Variants in CRYBG3 observed in about 807,000 individuals in gnomAD.
The protein encoded by CRYBG3 is crystallin beta-gamma domain containing 3.
CRYBG3 carries 127 observed loss-of-function variants against 244.2 expected under a neutral mutation model. The observed-to-expected ratio is 0.52, with a 90% CI of 0.45 to 0.60. The LOEUF (loss-of-function observed/expected upper bound fraction) is 0.60, where lower values mean the gene tolerates loss of function less well. Ranked by LOEUF, CRYBG3 falls within the 20% of genes least tolerant of loss-of-function variation. The pLI is 0.00. For missense variants in CRYBG3, 3,325 were observed against 3,442.5 expected, an observed-to-expected ratio of 0.97 and a Z score of 0.85; for synonymous variants, 1,132 against 1,195.8, an observed-to-expected ratio of 0.95 and a Z score of 1.10.
intron 8 of CRYBG3, 40 bp from the exon 9 acceptor site, chr3:97,888,301 A>C: frequency 8.3e-7 from 1 of 1,205,606 alleles, no homozygotes; most frequent in South Asian, 1.3e-5. Flanking sequence ...AGACTAAAGC[A>C]GTACTATTAT....
intron 15 of CRYBG3, 89 bp downstream of exon 15, chr3:97,900,574 A>G: frequency 2.5e-6 from 2 of 811,904 alleles, no homozygotes; most frequent in South Asian, 1.6e-5. Context: ...TTCTGCAGAT[A>G]ACTTTTATGT....
chr3:97,911,137 A>G (rs2039867186), intron 15 of CRYBG3, among the ~76,000 whole-genome samples: 1 of 152,212 alleles, frequency 6.6e-6, no homozygotes, highest in Non-Finnish European at 1.5e-5. Flanking sequence ...TCAGAGCAGA[A>G]TGAGATAACC....
intron 15 of CRYBG3, among the ~76,000 whole-genome samples, chr3:97,904,393 T>C (rs577248915): frequency 1.3e-5 from 2 of 152,302 alleles, no homozygotes; most frequent in Admixed American, 6.5e-5. Flanking sequence ...AGAGATACTT[T>C]ATAACATTAT....
chr3:97,850,467 TA>T (rs2038969017), intron 2 of CRYBG3, among the ~76,000 whole-genome samples: 2 of 152,158 alleles, frequency 1.3e-5, no homozygotes, highest in South Asian at 4.1e-4. Flanking sequence ...TTTTAGAAGG[TA>T]AAATTTTAGC....
intron 3 of CRYBG3, among the ~76,000 whole-genome samples, chr3:97,871,387 C>A (rs1361045355): frequency 6.6e-6 from 1 of 152,084 alleles, no homozygotes; most frequent in Non-Finnish European, 1.5e-5. Flanking sequence ...CATTGCTGTT[C>A]AAATTCACAT....
At chr3:97,838,387 T>C (rs1348757474) in intron 1 of CRYBG3, among the ~76,000 whole-genome samples, 1 of 152,122 alleles carries the variant, frequency 6.6e-6, no homozygotes, top group African/African-American at 2.4e-5. Context: ...AGAGAGGCTC[T>C]CAGACCATTG....
intron 2 of CRYBG3, among the ~76,000 whole-genome samples, chr3:97,848,542 C>T (rs192692048): frequency 6.6e-6 from 1 of 152,232 alleles, no homozygotes; most frequent in East Asian, 1.9e-4. Flanking sequence ...TCCTCGTGAT[C>T]CGCCTGCCTC....
In CRYBG3 at chr3:97,873,716, T is replaced by G. The variant is rs1281463258; in HGVS notation, c.2522T>G (p.Val841Gly). ...GGAAAAACTATATCCTTGTCCAAGG[T>G]ATCTCTTTCAAAAGTGGAGCCCAGA... ...GRGKTISLSK[V>G]SLSKVEPRNI... The change falls in exon 4 of 22, where the codon GTA becomes GGA. Residue 841 changes from valine (V) to glycine (G), a missense_variant. By Grantham distance (109) the Val-to-Gly change is moderately radical. This residue lies in a region of CRYBG3 where 1,526 missense variants were observed against 1,443.2 expected (regional missense o/e 1.06). Coordinates refer to ENST00000389622, the MANE Select transcript of CRYBG3 (RefSeq NM_153605.4). 4.6e-6 allele frequency: 7 copies of G among 1,535,966 alleles called. No individual in the cohort carries two copies. The highest frequency in any genetic ancestry group is 3.9e-5 in the Admixed American group (2 of 50,986).
intron 21 of CRYBG3, 89 bp from the exon 22 acceptor site, chr3:97,943,137 G>A (rs2040268662): frequency 4.2e-6 from 3 of 710,858 alleles, no homozygotes; most frequent in Admixed American, 5.3e-5. Flanking sequence ...CCACCGAAAT[G>A]GTGAGCTGAA....
chr3:97,904,738 T>C (rs938582633), intron 15 of CRYBG3, among the ~76,000 whole-genome samples: 22 of 151,306 alleles, frequency 1.5e-4, no homozygotes, highest in Admixed American at 1.1e-3. Flanking sequence ...TTTATAATCT[T>C]TTTTTTATTA....
intron 1 of CRYBG3, 125 bp from the exon 2 acceptor site, chr3:97,843,070 A>T: frequency 3.4e-6 from 2 of 593,970 alleles, no homozygotes; most frequent in Non-Finnish European, 5.9e-6. Context: ...CCTTGGTATA[A>T]CATGGTGTAT....
At chr3:97,828,247 G>T (rs1053408176) in intron 1 of CRYBG3, among the ~76,000 whole-genome samples, 3 of 152,068 alleles carry the variant, frequency 2.0e-5, no homozygotes, top group Admixed American at 6.6e-5. Context: ...AATTTGATAT[G>T]ACCTATCAAT....
In CRYBG3 at chr3:97,873,502, A is replaced by C. The variant is rs774118963; in HGVS notation, c.2308A>C (p.Lys770Gln). The C allele has an allele frequency of 1.3e-6, 2 of 1,535,978 alleles. No homozygotes were observed. The highest frequency in any genetic ancestry group is 2.4e-5 in the South Asian group (2 of 84,046). The change falls in exon 4 of 22, where the codon AAG becomes CAG. Residue 770 changes from lysine (K) to glutamine (Q), a missense_variant. By Grantham distance (53) the Lys-to-Gln change is moderately conservative. Coordinates refer to ENST00000389622, the MANE Select transcript of CRYBG3 (RefSeq NM_153605.4). ...LLSFDSGNLS[K>Q]DCSSILSQDP... ...GAGCTTTGACTCTGGAAACCTCTCT[A>C]AGGATTGCAGTTCCATTTTATCTCA...
rs1474844575 is a variant in CRYBG3 at position 97,873,596 on chromosome 3, A to T, written c.2402A>T (p.Asp801Val). 7 of 1,534,494 alleles carry T rather than the reference A, an allele frequency of 4.6e-6. No individual in the cohort carries two copies. Among genetic ancestry groups the T allele is most frequent in the African/African-American group, 1.4e-5 (1 of 72,960 alleles). Residue 801 changes from aspartate to valine, a missense_variant, in exon 4 of 22, where the codon GAT becomes GTT. Asp to Val is a radical substitution (Grantham distance 152, BLOSUM62 -3). Coordinates refer to ENST00000389622, the MANE Select transcript of CRYBG3 (RefSeq NM_153605.4). ...AATATGAGCATAATAGAGAAGTCTG[A>T]TTCTCTTTCCTTGGAAGCCAAAACT... ...KANMSIIEKSDSLSLEAKTAN... is the reference protein window; with the variant it reads ...KANMSIIEKSVSLSLEAKTAN...
At chr3:97,907,111 G>A (rs2039785101) in intron 15 of CRYBG3, among the ~76,000 whole-genome samples, 1 of 152,110 alleles carries the variant, frequency 6.6e-6, no homozygotes, top group Non-Finnish European at 1.5e-5. Flanking sequence ...TGATCATGGT[G>A]GATAATCTTT....
Position 97,822,259 on chromosome 3 carries a change from T to A in CRYBG3, c.53T>A (p.Phe18Tyr), listed in dbSNP as rs1244261966. Residue 18 changes from phenylalanine (F) to tyrosine (Y), a missense_variant, in exon 1 of 22, where the codon TTC becomes TAC. By Grantham distance (22) the Phe-to-Tyr change is conservative. Coordinates refer to ENST00000389622, the MANE Select transcript of CRYBG3 (RefSeq NM_153605.4). ...GSAPWHSFSR[F>Y]FAPRSPSRDK... ...GCCCCCTGGCACAGCTTCTCCCGGT[T>A]CTTCGCTCCCCGAAGTCCTTCCCGG... 6.5e-7 allele frequency: 1 copy of A among 1,530,578 alleles called. No homozygotes were observed. The highest frequency in any genetic ancestry group is 2.0e-5 in the Admixed American group (1 of 50,498). 94.8% of individuals were successfully genotyped at this position (1,530,578 alleles called of 1,614,324 possible).
chr3:97,822,049 G>C lies in CRYBG3; in HGVS notation c.-158G>C. 1 of 504,740 alleles carries C rather than the reference G, an allele frequency of 2.0e-6. No individual in the cohort carries two copies. Among genetic ancestry groups the C allele is most frequent in the Admixed American group, 4.4e-5 (1 of 22,810 alleles). 31.3% of individuals were successfully genotyped at this position (504,740 alleles called of 1,614,324 possible). On this transcript the variant is annotated 5_prime_UTR_variant, in exon 1 of 22. Coordinates refer to ENST00000389622, the MANE Select transcript of CRYBG3 (RefSeq NM_153605.4). ...GCCGCGCGAGGAGCGCGTCGCGTCCGCACTTCTCCTGCCCGAGAGAGACTG... is the reference window on the plus strand; with the variant it reads ...GCCGCGCGAGGAGCGCGTCGCGTCCCCACTTCTCCTGCCCGAGAGAGACTG...
Position 97,875,226 on chromosome 3 carries a change from G to T in CRYBG3, c.4032G>T (p.Leu1344=). 6.5e-7 allele frequency: 1 copy of T among 1,531,052 alleles called. No individual in the cohort carries two copies. The highest frequency in any genetic ancestry group is 1.2e-5 in the South Asian group (1 of 82,806). The allele number at this position is 1,531,052 out of a possible 1,614,324, so 94.8% of individuals were successfully genotyped here. Reference sequence around the variant, plus strand: ...TTCAGGCTAATACTTCAAAAATTCTGAACAGTGATAGTGTTAAGCCACATG... The same window carrying T: ...TTCAGGCTAATACTTCAAAAATTCTTAACAGTGATAGTGTTAAGCCACATG... ...SELQANTSKI[L]NSDSVKPHDV... is the part of the protein sequence containing the mutation. Residue 1344 remains leucine (L), a synonymous_variant, in exon 4 of 22, where the codon CTG becomes CTT. Coordinates refer to ENST00000389622, the MANE Select transcript of CRYBG3 (RefSeq NM_153605.4).
intron 4 of CRYBG3, among the ~76,000 whole-genome samples, 198 bp downstream of exon 4, chr3:97,878,235 C>T (rs2039406531): frequency 1.3e-5 from 2 of 152,112 alleles, no homozygotes; most frequent in South Asian, 4.2e-4. Context: ...ATGGTGAAAC[C>T]TTGTCTCTAC....
Sources: allele counts gnomAD v4.1 joint callset (sites outside exome capture counted in the v4.1 genomes callset), GRCh38; gene constraint gnomAD v4.1.1; regional missense constraint gnomAD v4.1.1; transcripts MANE v1.5; gene names NCBI Gene and HGNC (gene_info 2026-07-23, HGNC 2026-07-21).